TMEM117: variants seen among roughly 807,000 people sequenced by gnomAD.
TMEM117 encodes transmembrane protein 117.
A neutral mutation model predicts 52.4 loss-of-function variants in TMEM117; 27 were observed. The observed-to-expected ratio is 0.51, with a 90% CI of 0.38 to 0.71. The LOEUF (loss-of-function observed/expected upper bound fraction) is 0.71. TMEM117 is among the 30% of genes least tolerant of loss of function. The pLI is 0.00. For missense variants in TMEM117, 556 were observed against 630.5 expected (o/e 0.88, Z 1.26); for synonymous variants, 215 against 206.3 (o/e 1.04, Z -0.36).
At chr12:44,391,101 T>C (rs537265248), downstream of TMEM117, among the ~76,000 whole-genome samples, 1 of 152,178 alleles carries the variant, frequency 6.6e-6, no homozygotes, top group Non-Finnish European at 1.5e-5. Flanking sequence ...GCTTAAGTAC[T>C]ATAAACAATT....
At position 43,968,270 on chromosome 12, in the gene TMEM117, A is replaced by C. The variant is rs189628289; in HGVS notation, c.410+23928A>C. On this transcript the variant is annotated intron_variant, in intron 3 of 7. Coordinates refer to ENST00000266534, the MANE Select transcript of TMEM117 (RefSeq NM_032256.3). ...ACAACATCCTTACCGTAAACAGAAC[A>C]ATGAATTTTAGCCGGCTTTCTTTTC... Among the ~76,000 whole-genome samples, 147 of 152,330 alleles carry C rather than the reference A, an allele frequency of 9.7e-4. 1 individual carries two copies. Among genetic ancestry groups the C allele is most frequent in the Non-Finnish European group, 1.0e-3 (71 of 68,022 alleles).
At chr12:44,069,199 G>A (rs927144148) in intron 3 of TMEM117, among the ~76,000 whole-genome samples, 1 of 151,934 alleles carries the variant, frequency 6.6e-6, no homozygotes, top group South Asian at 2.1e-4. Flanking sequence ...CATTTTTATG[G>A]TTCTGAAAAA....
intron 5 of TMEM117, among the ~76,000 whole-genome samples, chr12:44,292,873 A>G (rs7975491): frequency 0.047 from 7,148 of 152,106 alleles, 344 homozygotes; most frequent in African/African-American, 0.12. Context: ...AGAATGTTCC[A>G]TGTATGCTGG....
rs1338451325 is a variant in TMEM117 at position 44,114,919 on chromosome 12, T to G, written c.411-28606T>G. 2.0e-5 allele frequency among the ~76,000 whole-genome samples: 3 copies of G among 152,198 alleles called. No individual in the cohort carries two copies. In the East Asian group the frequency reaches 5.8e-4, roughly 29 times the overall value. ...TTTAAAGAAAATCAGATACAGGCTA[T>G]GAATAAAATATCTCTTTAATCTTAA... is the stretch of plus-strand genomic sequence containing the variant. On this transcript the variant is annotated intron_variant, in intron 3 of 7. Transcript: ENST00000266534.
At chr12:44,324,564 GA>G (rs942789063) in intron 6 of TMEM117, among the ~76,000 whole-genome samples, 95 of 151,522 alleles carry the variant, frequency 6.3e-4, no homozygotes, top group African/African-American at 2.0e-3. Context: ...GGTTCTTTGG[GA>G]AAAAAAATTG....
intron 4 of TMEM117, among the ~76,000 whole-genome samples, chr12:44,165,807 G>C (rs1010261649): frequency 3.9e-5 from 6 of 152,138 alleles, no homozygotes; most frequent in African/African-American, 1.4e-4. Context: ...CTCAGCATTG[G>C]ACAGATCATC....
chr12:43,912,549 G>A (rs1453048660), intron 2 of TMEM117, among the ~76,000 whole-genome samples: 2 of 125,322 alleles, frequency 1.6e-5, no homozygotes, highest in Non-Finnish European at 3.0e-5. Flanking sequence ...CAGAATGAAA[G>A]CTCCATGTGG....
chr12:44,317,981 G>T (rs1039546535), intron 6 of TMEM117, among the ~76,000 whole-genome samples: 1 of 152,200 alleles, frequency 6.6e-6, no homozygotes, highest in Non-Finnish European at 1.5e-5. Flanking sequence ...AGCGCCCAGA[G>T]GTATGTCTAG....
At chr12:43,895,730 G>A (rs926566336) in intron 2 of TMEM117, among the ~76,000 whole-genome samples, 1 of 152,156 alleles carries the variant, frequency 6.6e-6, no homozygotes, top group South Asian at 2.1e-4. Flanking sequence ...TTTGTTTCCA[G>A]GGCAGTGATA....
In TMEM117 at chr12:44,270,174, G is replaced by T. The variant is rs545224730; in HGVS notation, c.609-29406G>T. On this transcript the variant is annotated intron_variant, in intron 5 of 7. Coordinates refer to ENST00000266534, the MANE Select transcript of TMEM117 (RefSeq NM_032256.3). ...TGGTGTTGGAGTCATAGAGATTAGGGTTTAAATTTAAACTCCATATTTAAT... is the reference window on the plus strand; with the variant it reads ...TGGTGTTGGAGTCATAGAGATTAGGTTTTAAATTTAAACTCCATATTTAAT... 3.3e-5 allele frequency among the ~76,000 whole-genome samples: 5 copies of T among 152,116 alleles called. No homozygotes were observed. The South Asian group carries it at 1.0e-3, about 32-fold the overall frequency.
chr12:43,818,728 C>A, the TMEM117 span, among the ~76,000 whole-genome samples: 10 of 152,276 alleles, frequency 6.6e-5, no homozygotes, highest in South Asian at 8.3e-4. Flanking sequence ...CAGGCATGAG[C>A]CACCGCACCT....
chr12:43,864,113 CT>C (rs1272350234), intron 2 of TMEM117, among the ~76,000 whole-genome samples: 2 of 152,156 alleles, frequency 1.3e-5, no homozygotes, highest in Non-Finnish European at 2.9e-5. Context: ...TCTCACGGGG[CT>C]TTAGCTGCCT....
chr12:44,006,490 A>T (rs1318984627), intron 3 of TMEM117, among the ~76,000 whole-genome samples: 1 of 152,174 alleles, frequency 6.6e-6, no homozygotes, highest in Admixed American at 6.5e-5. Flanking sequence ...TTGGTTTTTC[A>T]TGCAGATTGA....
intron 3 of TMEM117, among the ~76,000 whole-genome samples, chr12:44,085,537 C>T (rs1253696761): frequency 1.3e-5 from 2 of 152,212 alleles, no homozygotes; most frequent in Non-Finnish European, 2.9e-5. Flanking sequence ...CATGCAAAAG[C>T]AGATCACCTT....
rs537294881 is a variant in TMEM117, at chr12:44,287,755, A to T, written c.609-11825A>T. On this transcript the variant is annotated intron_variant, in intron 5 of 7. Coordinates refer to ENST00000266534, the MANE Select transcript of TMEM117 (RefSeq NM_032256.3). ...CAAAAACTGTCATGAGTCAGCCTGG[A>T]CTTGAACCATCTTACATCATTTCTA... 1.1e-4 allele frequency among the ~76,000 whole-genome samples: 16 copies of T among 152,340 alleles called. 1 individual carries two copies. The South Asian group carries it at 2.9e-3, about 28-fold the overall frequency.
chr12:43,929,702 C>T (rs1944841233), intron 2 of TMEM117, among the ~76,000 whole-genome samples: 1 of 152,032 alleles, frequency 6.6e-6, no homozygotes, highest in African/African-American at 2.4e-5. Flanking sequence ...TGTTTATTTG[C>T]ATTTTCTAGA....
intron 5 of TMEM117, among the ~76,000 whole-genome samples, chr12:44,271,352 T>G (rs1340164032): frequency 2.0e-5 from 3 of 152,052 alleles, no homozygotes; most frequent in South Asian, 4.1e-4. Context: ...AAATTAGGCC[T>G]GAGAGCATAA....
chr12:44,339,732 T>A (rs1565732472), intron 6 of TMEM117, among the ~76,000 whole-genome samples: 1 of 151,958 alleles, frequency 6.6e-6, no homozygotes, highest in Non-Finnish European at 1.5e-5. Flanking sequence ...CTTAAAAATT[T>A]CTGCTGAGGT....
Position 44,322,218 on chromosome 12 carries a change from G to A in TMEM117, c.768+22479G>A, listed in dbSNP as rs149089981. 4.4e-3 allele frequency among the ~76,000 whole-genome samples: 665 copies of A among 152,270 alleles called. 15 individuals carry two copies. The highest frequency in any genetic ancestry group is 0.027 in the Admixed American group (409 of 15,276). Reference sequence around the variant, plus strand: ...GTTGTTACTTCGTAGCATGGCTCGGGTATTAGTTCTCTCTGCATCTGCGTG... The same window carrying A: ...GTTGTTACTTCGTAGCATGGCTCGGATATTAGTTCTCTCTGCATCTGCGTG... On this transcript the variant is annotated intron_variant, in intron 6 of 7. Transcript: ENST00000266534.
Sources: gnomAD v4.1 joint callset for allele counts (sites outside exome capture counted in the v4.1 genomes callset) on GRCh38, gnomAD v4.1.1 for gene constraint, MANE v1.5 for transcripts, NCBI Gene and HGNC (gene_info 2026-07-23, HGNC 2026-07-21) for gene names.